MCPH1: variants seen among roughly 807,000 people sequenced by gnomAD.
MCPH1 encodes microcephalin 1.
In MCPH1, 104 loss-of-function variants were observed where a neutral mutation model predicts 84.5. That is an observed-to-expected ratio of 1.23 (90% CI 1.05 to 1.45). MCPH1 has a LOEUF of 1.45. Among genes scored for constraint, MCPH1 ranks in the 40% most tolerant of loss-of-function variants. MCPH1 has a pLI of 0.00. For synonymous variants in MCPH1, 514 were observed against 366.8 expected, an observed-to-expected ratio of 1.40 and a Z score of -4.58; for missense variants, 1,498 against 1,005.7, an observed-to-expected ratio of 1.49 and a Z score of -6.62.
At chr8:6,565,545 C>T (rs1433195610) in intron 12 of MCPH1, among the ~76,000 whole-genome samples, 1 of 152,114 alleles carries the variant, frequency 6.6e-6, no homozygotes. Context: ...CAGGTGTGAG[C>T]CACTGTACCT....
chr8:6,429,006 A>C lies in MCPH1; in HGVS notation c.234-2493A>C, dbSNP rs570852467. ...ATAGGGAAGTGAGAATTTCGTTTTTAATCCGCCCCTCTGAGTGCACCTCAC... is the reference window on the plus strand; with the variant it reads ...ATAGGGAAGTGAGAATTTCGTTTTTCATCCGCCCCTCTGAGTGCACCTCAC... On this transcript the variant is annotated intron_variant, in intron 3 of 13. Coordinates refer to ENST00000344683, the MANE Select transcript of MCPH1 (RefSeq NM_024596.5). Among the ~76,000 whole-genome samples the C allele has an allele frequency of 3.9e-5, 6 of 152,200 alleles. 1 individual carries two copies. The East Asian group carries it at 1.2e-3, about 29-fold the overall frequency.
chr8:6,421,477 C>T (rs554393298), intron 3 of MCPH1, among the ~76,000 whole-genome samples: 1 of 151,972 alleles, frequency 6.6e-6, no homozygotes, highest in African/African-American at 2.4e-5. Flanking sequence ...CTATCATCCC[C>T]CAGCCAAATC....
intron 8 of MCPH1, chr8:6,446,334 A>C (rs1804363122): frequency 2.0e-6 from 2 of 985,092 alleles, no homozygotes; most frequent in Non-Finnish European, 1.2e-6. Flanking sequence ...AATTTGAGTG[A>C]GAACGCATTC....
chr8:6,592,104 C>T (rs1272421079), intron 12 of MCPH1, among the ~76,000 whole-genome samples: 3 of 152,204 alleles, frequency 2.0e-5, no homozygotes, highest in East Asian at 1.9e-4. Context: ...AGTGTAACAC[C>T]GTGTACCCAT....
At chr8:6,596,998 C>G (rs1237325001) in intron 12 of MCPH1, among the ~76,000 whole-genome samples, 1 of 152,126 alleles carries the variant, frequency 6.6e-6, no homozygotes, top group African/African-American at 2.4e-5. Flanking sequence ...AAAACCATCC[C>G]GTAGACCACA....
chr8:6,532,365 C>A (rs1460353319), intron 12 of MCPH1: 3 of 1,614,006 alleles, frequency 1.9e-6, no homozygotes, highest in Non-Finnish European at 2.5e-6. Flanking sequence ...TCCGCGTTTG[C>A]TCCGCTGTTT....
chr8:6,459,129 A>C (rs980037308), intron 9 of MCPH1, among the ~76,000 whole-genome samples: 3 of 152,250 alleles, frequency 2.0e-5, no homozygotes, highest in Admixed American at 2.0e-4. Context: ...TTAAAATTAG[A>C]AGCTTCTGAG....
At chr8:6,488,408 A>G (rs1810183082) in intron 11 of MCPH1, among the ~76,000 whole-genome samples, 1 of 152,212 alleles carries the variant, frequency 6.6e-6, no homozygotes, top group Non-Finnish European at 1.5e-5. Flanking sequence ...GAGTGCTAAG[A>G]ATGACTGATG....
At chr8:6,564,796 C>A (rs118100309) in intron 12 of MCPH1, among the ~76,000 whole-genome samples, 102 of 152,286 alleles carry the variant, frequency 6.7e-4, no homozygotes, top group Non-Finnish European at 1.2e-3. Context: ...TTTTTATTTG[C>A]TGCCACAATA....
At chr8:6,416,303 GTCATGTCATGTTA>G (rs1352354892) in intron 3 of MCPH1, among the ~76,000 whole-genome samples, 5 of 49,242 alleles carry the variant, frequency 1.0e-4, no homozygotes, top group African/African-American at 3.2e-4. Flanking sequence ...GTCATGTCAT[GTCATGTCATGTTA>G]TTTGTTCTGG....
At chr8:6,485,223 G>A (rs929658867) in intron 11 of MCPH1, among the ~76,000 whole-genome samples, 4 of 151,988 alleles carry the variant, frequency 2.6e-5, no homozygotes, top group Admixed American at 1.3e-4. Flanking sequence ...TACTCAGGAG[G>A]CTGAGGCAGG....
intron 12 of MCPH1, among the ~76,000 whole-genome samples, chr8:6,602,667 T>G (rs1975622): frequency 6.6e-6 from 1 of 151,968 alleles, no homozygotes; most frequent in African/African-American, 2.4e-5. Flanking sequence ...TTGGGTTTGT[T>G]GCTTTCCTTG....
chr8:6,420,233 C>A (rs1350588858), intron 3 of MCPH1, among the ~76,000 whole-genome samples: 2 of 152,082 alleles, frequency 1.3e-5, no homozygotes, highest in East Asian at 1.9e-4. Flanking sequence ...AGACCCCTTC[C>A]CTGGAGTGGG....
intron 8 of MCPH1, among the ~76,000 whole-genome samples, chr8:6,453,811 T>C (rs1805368443): frequency 6.6e-6 from 1 of 152,170 alleles, no homozygotes; most frequent in Admixed American, 6.5e-5. Flanking sequence ...CCATAAAAGA[T>C]ACCTGAGGAG....
At chr8:6,630,609 C>G (rs1380004027) in intron 13 of MCPH1, among the ~76,000 whole-genome samples, 2 of 152,036 alleles carry the variant, frequency 1.3e-5, no homozygotes, top group Admixed American at 6.5e-5. Flanking sequence ...CGGTGAAACC[C>G]TGTCTTTACT....
chr8:6,427,847 C>G (rs1247454846), intron 3 of MCPH1, among the ~76,000 whole-genome samples: 7 of 150,080 alleles, frequency 4.7e-5, no homozygotes, highest in South Asian at 4.2e-4. Flanking sequence ...GACTGGAGTG[C>G]AGTGGCGTGA....
At chr8:6,521,477 T>G in intron 12 of MCPH1, 1 of 1,140,852 alleles carries the variant, frequency 8.8e-7, no homozygotes, top group Admixed American at 2.6e-5. Flanking sequence ...TTTATTGAAT[T>G]TCTACTTCTC....
chr8:6,422,612 C>T (rs1467172013), intron 3 of MCPH1, among the ~76,000 whole-genome samples: 5 of 152,196 alleles, frequency 3.3e-5, no homozygotes, highest in Non-Finnish European at 5.9e-5. Context: ...TATTTCTGCC[C>T]ACCACTAACC....
intron 12 of MCPH1, among the ~76,000 whole-genome samples, chr8:6,568,341 C>G (rs1277116600): frequency 6.6e-6 from 1 of 150,540 alleles, no homozygotes; most frequent in Non-Finnish European, 1.5e-5. Context: ...GACAGTCAGA[C>G]CATCCCAGGT....
Sources: allele counts gnomAD v4.1 joint callset (sites outside exome capture counted in the v4.1 genomes callset), GRCh38; gene constraint gnomAD v4.1.1; transcripts MANE v1.5; gene names NCBI Gene and HGNC (gene_info 2026-07-23, HGNC 2026-07-21).